Variants in ATG4A observed in about 807,000 individuals in gnomAD.
ATG4A encodes the protein cysteine protease ATG4A.
A neutral mutation model predicts 38.4 loss-of-function variants in ATG4A; 22 were observed. The ratio of observed to expected loss-of-function variants is 0.57; its 90% confidence interval spans 0.41 to 0.82. The LOEUF (loss-of-function observed/expected upper bound fraction) is 0.82, where lower values mean the gene tolerates loss of function less well. Ranked by LOEUF, ATG4A falls within the 40% of genes least tolerant of loss-of-function variation. The pLI is 0.00. For missense variants in ATG4A, 220 were observed against 290.0 expected (o/e 0.76, Z 1.75); for synonymous variants, 86 against 100.7 (o/e 0.85, Z 0.88).
chrX:108,139,145 G>A (rs1163608165), intron 9 of ATG4A, among the ~76,000 whole-genome samples: 1 of 111,263 alleles, frequency 9.0e-6, no homozygotes, highest in African/African-American at 3.3e-5. Context: ...AGGACAGGGT[G>A]GAGATGGCCT....
rs200602304 is a variant in ATG4A, at chrX:108,153,070, T to G, written c.1109T>G (p.Val370Gly). The change falls in exon 12 of 13, where the codon GTG (valine) becomes GGG (glycine). Residue 370 changes from valine (V) to glycine (G), a missense_variant. Val to Gly is a moderately radical substitution (Grantham distance 109, BLOSUM62 -3). Transcript: ENST00000372232. ...PPFVPPAKPE[V>G]TTTGAEFIDS... ...TTTGTACCTCCAGCCAAGCCAGAAG[T>G]GACAACCACTGGGGCAGGTAAGCTG... is the stretch of plus-strand genomic sequence containing the variant. 8.3e-7 allele frequency: 1 copy of G among 1,204,437 alleles called. No individual in the cohort carries two copies. The highest frequency in any genetic ancestry group is 1.7e-5 in the African/African-American group (1 of 57,231).
chrX:108,124,696 A>C (rs1353230609), intron 1 of ATG4A, among the ~76,000 whole-genome samples: 1 of 111,711 alleles, frequency 9.0e-6, no homozygotes, highest in African/African-American at 3.3e-5. Context: ...TTCTAAAAGT[A>C]CTTGTACAAA....
intron 4 of ATG4A, among the ~76,000 whole-genome samples, chrX:108,132,402 T>C (rs2032981964): frequency 8.9e-6 from 1 of 111,900 alleles, no homozygotes; most frequent in South Asian, 3.8e-4. Context: ...TTCAGAAGTA[T>C]AGAAACATCG....
chrX:108,152,554 A>G (rs946266147), intron 11 of ATG4A, among the ~76,000 whole-genome samples: 3 of 111,855 alleles, frequency 2.7e-5, no homozygotes, highest in Admixed American at 9.5e-5. Context: ...GTAAATTAGG[A>G]TATATACCAT....
intron 1 of ATG4A, among the ~76,000 whole-genome samples, chrX:108,097,948 C>T (rs927236099): frequency 2.7e-5 from 3 of 112,197 alleles, no homozygotes; most frequent in African/African-American, 9.7e-5. Context: ...TAATCTGTGG[C>T]TCTAATTTTT....
intron 1 of ATG4A, among the ~76,000 whole-genome samples, chrX:108,098,163 TA>T (rs1350039619): frequency 2.7e-5 from 3 of 111,693 alleles, no homozygotes; most frequent in Admixed American, 9.5e-5. Flanking sequence ...TAATTTTTTT[TA>T]ATCCCGTGTT....
intron 1 of ATG4A, among the ~76,000 whole-genome samples, chrX:108,105,904 G>C (rs1370088512): frequency 9.0e-6 from 1 of 111,444 alleles, no homozygotes; most frequent in East Asian, 2.8e-4. Context: ...ATGCAGATAA[G>C]GTGAGATTGC....
chrX:108,133,189 A>T (rs1226640946), intron 4 of ATG4A, among the ~76,000 whole-genome samples: 4 of 112,394 alleles, frequency 3.6e-5, no homozygotes, highest in African/African-American at 1.3e-4. Context: ...TTTGGCTTCA[A>T]GTGTAGTTCA....
Position 108,152,964 on chromosome X carries a change from T to C in ATG4A, c.1018-15T>C. 1 of 1,157,723 alleles carries C rather than the reference T, an allele frequency of 8.6e-7. No homozygotes were observed. Among genetic ancestry groups the C allele is most frequent in the Non-Finnish European group, 1.2e-6 (1 of 846,839 alleles). On this transcript the variant is annotated splice_polypyrimidine_tract_variant and intron_variant, in intron 11 of 12. Transcript: ENST00000372232. ...TGACTCTGAAGTATTTAAAACTGTT[T>C]TGTCATCTCCCCAGGAAATTCTAAA...
intron 1 of ATG4A, among the ~76,000 whole-genome samples, chrX:108,119,597 G>C (rs1202714729): frequency 8.9e-6 from 1 of 111,741 alleles, no homozygotes; most frequent in South Asian, 3.7e-4. Flanking sequence ...AGGATGTGCT[G>C]TTTGAAAACA....
upstream of ATG4A, chrX:108,091,413 A>C: frequency 8.3e-7 from 1 of 1,210,184 alleles, no homozygotes. Flanking sequence ...TTACCTGGTC[A>C]GTTCTAGTAG....
chrX:108,150,115 A>C (rs775559263), intron 9 of ATG4A, 37 bp from the exon 10 acceptor site: 3 of 1,202,889 alleles, frequency 2.5e-6, no homozygotes, highest in South Asian at 3.6e-5. Flanking sequence ...CAGGACCGGT[A>C]ATCCTTTGAA....
intron 1 of ATG4A, among the ~76,000 whole-genome samples, chrX:108,093,047 C>G (rs2031688013): frequency 9.0e-6 from 1 of 111,621 alleles, no homozygotes; most frequent in African/African-American, 3.3e-5. Flanking sequence ...CTGTATAACA[C>G]TCACTCAAAA....
chrX:108,101,042 ATT>A (rs374460141), intron 1 of ATG4A, among the ~76,000 whole-genome samples: 1 of 106,908 alleles, frequency 9.4e-6, no homozygotes, highest in Admixed American at 1.0e-4. Context: ...TCAATGAAGA[ATT>A]TTTTTTTTTG....
At position 108,131,132 on chromosome X, in the gene ATG4A, G is replaced by T. The variant is rs377104668; in HGVS notation, c.194-128G>T. The T allele has an allele frequency of 1.0e-5, 6 of 588,593 alleles. No individual in the cohort carries two copies. In the East Asian group the frequency reaches 1.7e-4, roughly 16 times the overall value. The allele number at this position is 588,593 out of a possible 1,213,427, so 48.5% of individuals were successfully genotyped here. ...TACCCAAATCTTGTTTGATCTGTGG[G>T]TGTATCTGTCACCTCACTTTTCAGA... is the stretch of plus-strand genomic sequence containing the variant. On this transcript the variant is annotated intron_variant, in intron 3 of 12. Coordinates refer to ENST00000372232, the MANE Select transcript of ATG4A (RefSeq NM_052936.5).
chrX:108,112,221 ATAG>A (rs1407088349), intron 1 of ATG4A, among the ~76,000 whole-genome samples: 1 of 111,747 alleles, frequency 8.9e-6, no homozygotes, highest in Non-Finnish European at 1.9e-5. Context: ...GTGCTATCAA[ATAG>A]TAGATCTTAC....
chrX:108,121,394 A>T (rs1209894418), intron 1 of ATG4A, among the ~76,000 whole-genome samples: 1 of 111,443 alleles, frequency 9.0e-6, no homozygotes, highest in Non-Finnish European at 1.9e-5. Flanking sequence ...AGTCCAACAG[A>T]TTCTGGCTAG....
intron 1 of ATG4A, among the ~76,000 whole-genome samples, chrX:108,095,408 G>A (rs750037115): frequency 9.0e-6 from 1 of 111,412 alleles, no homozygotes; most frequent in Admixed American, 9.5e-5. Flanking sequence ...ATTTTTTATA[G>A]ATACAGGGTC....
intron 2 of ATG4A, chrX:108,127,169 T>G (rs1421024410): frequency 8.7e-6 from 1 of 114,818 alleles, no homozygotes; most frequent in Non-Finnish European, 1.8e-5. Context: ...GGGGATCTCT[T>G]CTAATTCTGC....
Sources: gnomAD v4.1 joint callset for allele counts (sites outside exome capture counted in the v4.1 genomes callset) on GRCh38, gnomAD v4.1.1 for gene constraint, MANE v1.5 for transcripts, NCBI Gene and HGNC (gene_info 2026-07-23, HGNC 2026-07-21) for gene names.